MYO3B: variants seen among roughly 807,000 people sequenced by gnomAD.
MYO3B encodes myosin IIIB, also known as myosin-IIIb.
A neutral mutation model predicts 174.6 loss-of-function variants in MYO3B; 156 were observed. That is an observed-to-expected ratio of 0.89 (90% confidence interval 0.78 to 1.02). The LOEUF is 1.02. Ranked by LOEUF, MYO3B falls within the 50% of genes least tolerant of loss-of-function variation. The pLI is 0.00. For missense variants in MYO3B, 1,632 were observed against 1,639.4 expected (o/e 1.00, Z 0.08); for synonymous variants, 563 against 569.1 (o/e 0.99, Z 0.15).
chr2:170,532,816 CAAAAAA>C (rs35190722), intron 30 of MYO3B, among the ~76,000 whole-genome samples: 8 of 85,288 alleles, frequency 9.4e-5, no homozygotes, highest in Non-Finnish European at 1.4e-4. Context: ...AACTCTGTCT[CAAAAAA>C]AAAAAAAAAA....
chr2:170,649,137 T>C (rs1376621484), intron 32 of MYO3B, among the ~76,000 whole-genome samples: 2 of 65,006 alleles, frequency 3.1e-5, no homozygotes, highest in Non-Finnish European at 5.1e-5. Context: ...TATAAAATAA[T>C]ATATAATATA....
At chr2:170,310,612 C>A (rs1412988160) in intron 7 of MYO3B, among the ~76,000 whole-genome samples, 1 of 124,672 alleles carries the variant, frequency 8.0e-6, no homozygotes, top group Non-Finnish European at 1.6e-5. Flanking sequence ...TTGGAGTGAG[C>A]CAAGATTGTG....
intron 32 of MYO3B, among the ~76,000 whole-genome samples, chr2:170,646,493 C>T (rs1327610597): frequency 6.6e-6 from 1 of 151,820 alleles, no homozygotes; most frequent in Non-Finnish European, 1.5e-5. Context: ...CTCCTGAACT[C>T]AAGGGATCCT....
chr2:170,547,868 C>T (rs938711394), intron 32 of MYO3B, among the ~76,000 whole-genome samples: 1 of 151,894 alleles, frequency 6.6e-6, no homozygotes, highest in African/African-American at 2.4e-5. Flanking sequence ...AATACAGCAG[C>T]AAGGGTGATA....
At chr2:170,451,229 T>C (rs937595813) in intron 23 of MYO3B, among the ~76,000 whole-genome samples, 2 of 152,262 alleles carry the variant, frequency 1.3e-5, no homozygotes, top group Non-Finnish European at 2.9e-5. Flanking sequence ...GCATCTTTCA[T>C]TTTTGGTGAA....
At chr2:170,451,577 T>G (rs60335560) in intron 23 of MYO3B, among the ~76,000 whole-genome samples, 1 of 152,258 alleles carries the variant, frequency 6.6e-6, no homozygotes, top group East Asian at 1.9e-4. Flanking sequence ...ATTACTAAAG[T>G]CACATGAACA....
chr2:170,395,790 G>A (rs796939103), intron 16 of MYO3B, among the ~76,000 whole-genome samples: 7 of 152,302 alleles, frequency 4.6e-5, no homozygotes, highest in African/African-American at 1.7e-4. Flanking sequence ...ACTGGGAACG[G>A]AAGTAAATTC....
intron 22 of MYO3B, among the ~76,000 whole-genome samples, chr2:170,430,882 T>C (rs1029999781): frequency 6.6e-6 from 1 of 151,964 alleles, no homozygotes; most frequent in African/African-American, 2.4e-5. Context: ...GAATTAGATA[T>C]TGGGATAGGG....
intron 3 of MYO3B, among the ~76,000 whole-genome samples, chr2:170,202,083 C>T (rs888155062): frequency 1.3e-5 from 2 of 152,154 alleles, no homozygotes; most frequent in Non-Finnish European, 2.9e-5. Flanking sequence ...GACCCTCAGA[C>T]ATGGCAACTC....
At chr2:170,489,374 G>A (rs1189316802) in intron 25 of MYO3B, among the ~76,000 whole-genome samples, 3 of 152,158 alleles carry the variant, frequency 2.0e-5, no homozygotes, top group African/African-American at 7.2e-5. Flanking sequence ...GAGGAACAAT[G>A]GGATTGGGGT....
At chr2:170,549,401 T>C (rs892057173) in intron 32 of MYO3B, among the ~76,000 whole-genome samples, 1 of 152,188 alleles carries the variant, frequency 6.6e-6, no homozygotes, top group Non-Finnish European at 1.5e-5. Flanking sequence ...ATGTGGAACC[T>C]GGCATCAGGC....
intron 32 of MYO3B, among the ~76,000 whole-genome samples, chr2:170,644,957 G>T (rs1020251543): frequency 6.6e-6 from 1 of 152,142 alleles, no homozygotes; most frequent in African/African-American, 2.4e-5. Context: ...CAGGGGGTTG[G>T]GGGGAGGTGC....
chr2:170,652,005 G>T, intron 33 of MYO3B, 103 bp from the exon 34 acceptor site: 1 of 1,252,526 alleles, frequency 8.0e-7, no homozygotes, highest in Non-Finnish European at 1.1e-6. Flanking sequence ...TGTGACTTCT[G>T]ATATTATCAG....
intron 32 of MYO3B, among the ~76,000 whole-genome samples, chr2:170,570,065 G>C (rs545507229): frequency 6.6e-6 from 1 of 152,070 alleles, no homozygotes; most frequent in Non-Finnish European, 1.5e-5. Context: ...ACTAGAAGAG[G>C]GTTAAGGAGA....
At chr2:170,189,920 A>G (rs2105317116) in intron 1 of MYO3B, among the ~76,000 whole-genome samples, 1 of 152,166 alleles carries the variant, frequency 6.6e-6, no homozygotes, top group East Asian at 1.9e-4. Context: ...GGCATTAAAG[A>G]GTTAGGTATT....
intron 4 of MYO3B, 78 bp from the exon 5 acceptor site, chr2:170,214,651 G>C: frequency 7.2e-7 from 1 of 1,386,806 alleles, no homozygotes; most frequent in Non-Finnish European, 1.0e-6. Flanking sequence ...TTCAATAGTA[G>C]GGTAATTGCT....
At chr2:170,369,440 T>C (rs1197966610) in intron 9 of MYO3B, 63 bp downstream of exon 9, 10 of 1,545,996 alleles carry the variant, frequency 6.5e-6, no homozygotes, top group South Asian at 1.2e-5. Flanking sequence ...GTCATGTGTT[T>C]TGATTTGCCC....
chr2:170,519,273 A>G (rs1271251906), intron 29 of MYO3B, among the ~76,000 whole-genome samples, 165 bp from the exon 30 acceptor site: 1 of 152,170 alleles, frequency 6.6e-6, no homozygotes, highest in Non-Finnish European at 1.5e-5. Flanking sequence ...CCTGGAATCG[A>G]GAACAGCTCA....
At chr2:170,577,704 A>G (rs1417512624) in intron 32 of MYO3B, among the ~76,000 whole-genome samples, 9 of 152,176 alleles carry the variant, frequency 5.9e-5, no homozygotes, top group Non-Finnish European at 1.2e-4. Flanking sequence ...AAAATGAAAT[A>G]TCTTAAATTT....
Sources: gnomAD v4.1 joint callset for allele counts (sites outside exome capture counted in the v4.1 genomes callset) on GRCh38, gnomAD v4.1.1 for gene constraint, MANE v1.5 for transcripts, NCBI Gene and HGNC (gene_info 2026-07-23, HGNC 2026-07-21) for gene names.